Variants in LRRC7 observed in about 807,000 individuals in gnomAD.
LRRC7 encodes the protein leucine-rich repeat-containing protein 7.
A neutral mutation model predicts 175.7 loss-of-function variants in LRRC7; 23 were observed. The observed-to-expected ratio is 0.13, with a 90% CI of 0.09 to 0.19. The LOEUF (loss-of-function observed/expected upper bound fraction) is 0.19, where lower values mean the gene tolerates loss of function less well. Among genes scored for constraint, LRRC7 ranks in the 10% least tolerant of loss-of-function variants. The pLI is 1.00. For synonymous variants in LRRC7, 685 were observed against 680.9 expected (o/e 1.01, Z -0.09); for missense variants, 1,354 against 1,904.7 (o/e 0.71, Z 5.38).
intron 1 of LRRC7, among the ~76,000 whole-genome samples, chr1:69,640,493 C>T (rs1158150546): frequency 6.6e-6 from 1 of 151,396 alleles, no homozygotes; most frequent in Non-Finnish European, 1.5e-5. Flanking sequence ...ACTCATTATG[C>T]ATTGTTCTTT....
intron 18 of LRRC7, among the ~76,000 whole-genome samples, chr1:70,034,243 G>A (rs1659074820): frequency 6.6e-6 from 1 of 151,886 alleles, no homozygotes; most frequent in African/African-American, 2.4e-5. Flanking sequence ...CCTTAAAACT[G>A]TCATACATTT....
Position 69,865,469 on chromosome 1 carries a change from CTTTTTTTT to C in LRRC7, c.647+27204_647+27211del, listed in dbSNP as rs532063540. Among the ~76,000 whole-genome samples, 51 of 51,260 alleles carry C rather than the reference CTTTTTTTT, an allele frequency of 9.9e-4. 1 individual carries two copies. The highest frequency in any genetic ancestry group is 0.019 in the Middle Eastern group (1 of 54). The allele number at this position is 51,260 out of a possible 152,430, so 33.6% of individuals were successfully genotyped here. A position where few individuals can be genotyped will look rare whatever the true frequency, so the allele number is the denominator to read the frequency against. Reference sequence around the variant, plus strand: ...ATAAGCAAGCTGCTGAAGACAGTTCCTTTTTTTTTTTTTTTTTTTTTTTTTGAAACGGA... The same window carrying C: ...ATAAGCAAGCTGCTGAAGACAGTTCCTTTTTTTTTTTTTTTTTGAAACGGA... On this transcript the variant is annotated intron_variant, in intron 7 of 26. Transcript: ENST00000651989.
At chr1:69,684,186 C>T (rs1660834594) in intron 2 of LRRC7, among the ~76,000 whole-genome samples, 1 of 152,178 alleles carries the variant, frequency 6.6e-6, no homozygotes, top group African/African-American at 2.4e-5. Flanking sequence ...TATCAACTCT[C>T]TGAGCAGCAA....
At chr1:69,707,022 A>G (rs1301103265) in intron 2 of LRRC7, among the ~76,000 whole-genome samples, 1 of 152,200 alleles carries the variant, frequency 6.6e-6, no homozygotes, top group East Asian at 1.9e-4. Context: ...ATAAGGAATC[A>G]GAAGGAAAGA....
At chr1:69,763,163 G>C (rs1671228271) in intron 3 of LRRC7, among the ~76,000 whole-genome samples, 1 of 152,000 alleles carries the variant, frequency 6.6e-6, no homozygotes, top group Non-Finnish European at 1.5e-5. Flanking sequence ...AATACAAACT[G>C]ACTTTACAAA....
chr1:69,641,968 C>A (rs1654281068), intron 1 of LRRC7, among the ~76,000 whole-genome samples: 1 of 151,692 alleles, frequency 6.6e-6, no homozygotes, highest in South Asian at 2.1e-4. Flanking sequence ...ATAATTTAAG[C>A]TAGCTGTTAG....
chr1:70,055,204 A>G (rs1379636771), intron 23 of LRRC7, among the ~76,000 whole-genome samples: 1 of 152,178 alleles, frequency 6.6e-6, no homozygotes, highest in Non-Finnish European at 1.5e-5. Context: ...TGGAAAGGGC[A>G]CCTGTTTAGC....
intron 2 of LRRC7, among the ~76,000 whole-genome samples, chr1:69,726,613 G>C (rs1667008530): frequency 6.6e-6 from 1 of 152,092 alleles, no homozygotes. Flanking sequence ...TGTGGATTCA[G>C]GAGATTTTAC....
intron 2 of LRRC7, among the ~76,000 whole-genome samples, chr1:69,703,134 C>G (rs559966137): frequency 6.6e-6 from 1 of 152,056 alleles, no homozygotes; most frequent in East Asian, 1.9e-4. Context: ...AATTTTACCT[C>G]AAAATACATT....
intron 4 of LRRC7, among the ~76,000 whole-genome samples, chr1:69,816,384 T>G (rs1299932530): frequency 6.6e-6 from 1 of 152,148 alleles, no homozygotes; most frequent in Non-Finnish European, 1.5e-5. Flanking sequence ...TCACCTTGGG[T>G]GTTAGGATTT....
At chr1:70,058,953 TGTTAA>T (rs1283081798) in intron 23 of LRRC7, among the ~76,000 whole-genome samples, 3 of 150,368 alleles carry the variant, frequency 2.0e-5, no homozygotes, top group African/African-American at 4.9e-5. Flanking sequence ...ATCCATAAAA[TGTTAA>T]ATTAAAGGAT....
intron 2 of LRRC7, among the ~76,000 whole-genome samples, chr1:69,690,016 A>G (rs1224016993): frequency 6.6e-6 from 1 of 152,196 alleles, no homozygotes; most frequent in East Asian, 1.9e-4. Flanking sequence ...AAGTTGAAGC[A>G]TTTTAGTTAT....
intron 1 of LRRC7, among the ~76,000 whole-genome samples, chr1:69,630,625 T>G (rs1652338269): frequency 1.3e-5 from 2 of 152,272 alleles, no homozygotes; most frequent in South Asian, 2.1e-4. Context: ...TTTCAATTTT[T>G]TATTGATTAA....
chr1:69,608,899 TACAC>T (rs1349854926), intron 1 of LRRC7, among the ~76,000 whole-genome samples: 40 of 123,748 alleles, frequency 3.2e-4, no homozygotes, highest in African/African-American at 1.1e-3. Context: ...TATATATATA[TACAC>T]ACACACACAC....
intron 23 of LRRC7, among the ~76,000 whole-genome samples, chr1:70,057,037 A>G (rs1253943658): frequency 2.0e-5 from 3 of 152,148 alleles, no homozygotes; most frequent in Admixed American, 2.0e-4. Flanking sequence ...TTAAGGGGTA[A>G]GTAAAGAAAC....
chr1:69,822,622 C>T (rs1432825982), intron 4 of LRRC7, among the ~76,000 whole-genome samples: 4 of 152,208 alleles, frequency 2.6e-5, no homozygotes, highest in Non-Finnish European at 5.9e-5. Flanking sequence ...ATGTCCCACA[C>T]AGTTGGGCAA....
chr1:69,712,413 G>A (rs1664863015), intron 2 of LRRC7, among the ~76,000 whole-genome samples: 1 of 152,170 alleles, frequency 6.6e-6, no homozygotes, highest in Non-Finnish European at 1.5e-5. Flanking sequence ...AGACCAGCCT[G>A]GCCAACATGG....
intron 5 of LRRC7, among the ~76,000 whole-genome samples, chr1:69,834,326 C>T (rs976920708): frequency 2.6e-5 from 4 of 152,082 alleles, no homozygotes; most frequent in South Asian, 2.1e-4. Flanking sequence ...CTTTAGTCAT[C>T]GCTGTAACAA....
At chr1:69,768,522 T>A (rs1671872946) in intron 3 of LRRC7, among the ~76,000 whole-genome samples, 1 of 152,214 alleles carries the variant, frequency 6.6e-6, no homozygotes, top group Non-Finnish European at 1.5e-5. Flanking sequence ...ACAACTTGAT[T>A]GTGTTAACCA....
Sources: gnomAD v4.1 joint callset for allele counts (sites outside exome capture counted in the v4.1 genomes callset) on GRCh38, gnomAD v4.1.1 for gene constraint, MANE v1.5 for transcripts, NCBI Gene and HGNC (gene_info 2026-07-23, HGNC 2026-07-21) for gene names.